CDH18: variants seen among roughly 807,000 people sequenced by gnomAD.
CDH18 encodes cadherin 18, also known as cadherin-18.
A neutral mutation model predicts 67.9 loss-of-function variants in CDH18; 31 were observed. The ratio of observed to expected loss-of-function variants is 0.46; its 90% CI spans 0.34 to 0.62. The LOEUF (loss-of-function observed/expected upper bound fraction) is 0.62. Ranked by LOEUF, CDH18 falls within the 20% of genes least tolerant of loss-of-function variation. The pLI, the probability that CDH18 is intolerant of heterozygous loss-of-function variation, is 0.01. For missense variants in CDH18, 890 were observed against 975.5 expected (o/e 0.91, Z 1.17); for synonymous variants, 362 against 347.2 (o/e 1.04, Z -0.48).
chr5:20,147,703 TG>T (rs1750766865), intron 2 of CDH18, among the ~76,000 whole-genome samples: 1 of 152,168 alleles, frequency 6.6e-6, no homozygotes, highest in Non-Finnish European at 1.5e-5. Flanking sequence ...AAACCTTTTT[TG>T]GTCATTTATT....
chr5:20,125,250 A>G (rs1179883090), intron 2 of CDH18, among the ~76,000 whole-genome samples: 1 of 151,976 alleles, frequency 6.6e-6, no homozygotes, highest in Non-Finnish European at 1.5e-5. Context: ...AGTAAATGCA[A>G]CTAAGAGTGA....
chr5:19,825,359 G>A (rs888373622), intron 3 of CDH18, among the ~76,000 whole-genome samples: 7 of 152,016 alleles, frequency 4.6e-5, no homozygotes, highest in African/African-American at 7.2e-5. Context: ...GACAGCAGGA[G>A]GGGTAATTCT....
chr5:19,730,269 T>A (rs1400215194), intron 4 of CDH18, among the ~76,000 whole-genome samples: 2 of 152,232 alleles, frequency 1.3e-5, no homozygotes, highest in Non-Finnish European at 2.9e-5. Flanking sequence ...TTTGTCTAAC[T>A]GCCAGTTGAT....
intron 1 of CDH18, among the ~76,000 whole-genome samples, chr5:20,391,730 G>A (rs887089843): frequency 6.6e-6 from 1 of 151,876 alleles, no homozygotes; most frequent in Non-Finnish European, 1.5e-5. Flanking sequence ...ACATTGATGT[G>A]TAAAACCCAG....
At chr5:19,618,719 A>C (rs760874701) in intron 5 of CDH18, among the ~76,000 whole-genome samples, 19 of 152,288 alleles carry the variant, frequency 1.2e-4, no homozygotes, top group Admixed American at 1.1e-3. Flanking sequence ...CCCAGGCATA[A>C]GTTTTGTGAC....
At chr5:19,873,809 G>A (rs1786613889) in intron 2 of CDH18, among the ~76,000 whole-genome samples, 2 of 152,042 alleles carry the variant, frequency 1.3e-5, no homozygotes, top group South Asian at 2.1e-4. Flanking sequence ...TGCCATGCCC[G>A]GCTAATTTTT....
At chr5:19,928,542 T>A (rs1275925995) in intron 2 of CDH18, among the ~76,000 whole-genome samples, 1 of 152,114 alleles carries the variant, frequency 6.6e-6, no homozygotes, top group African/African-American at 2.4e-5. Context: ...AGCATGTATA[T>A]CCATACATGC....
intron 1 of CDH18, among the ~76,000 whole-genome samples, chr5:20,493,497 G>C (rs1753716771): frequency 6.6e-6 from 1 of 151,354 alleles, no homozygotes; most frequent in Non-Finnish European, 1.5e-5. Context: ...GCTTGCTATA[G>C]GAAGGGAGTC....
intron 2 of CDH18, among the ~76,000 whole-genome samples, chr5:19,970,685 G>T (rs1797936627): frequency 6.6e-6 from 1 of 151,418 alleles, no homozygotes; most frequent in Admixed American, 6.6e-5. Flanking sequence ...TGGGAATACA[G>T]TTCATAAGAT....
chr5:19,493,555 T>G (rs1233856777), intron 11 of CDH18, among the ~76,000 whole-genome samples: 1 of 151,870 alleles, frequency 6.6e-6, no homozygotes, highest in African/African-American at 2.4e-5. Context: ...TGTGTGTGTG[T>G]GTGTGTGTGT....
intron 5 of CDH18, among the ~76,000 whole-genome samples, chr5:19,696,254 T>C (rs1762523791): frequency 1.5e-5 from 1 of 66,048 alleles, no homozygotes; most frequent in African/African-American, 3.2e-5. Flanking sequence ...TGTGTGTGTG[T>C]GTGTGTGCGT....
chr5:20,074,669 AC>A (rs1743768367), intron 2 of CDH18, among the ~76,000 whole-genome samples: 1 of 151,808 alleles, frequency 6.6e-6, no homozygotes, highest in Non-Finnish European at 1.5e-5. Context: ...AATATGAATG[AC>A]CTTACAATCA....
rs397884499 is a variant in CDH18 at position 19,485,258 on chromosome 5, CT to C, written c.1631-1707del. ...TTAAAAACTACATCAGCTGTCTATTCTTTTTTTTTTTTTTTTAGATGGCGTC... is the reference window on the plus strand; with the variant it reads ...TTAAAAACTACATCAGCTGTCTATTCTTTTTTTTTTTTTTTAGATGGCGTC... On this transcript the variant is annotated intron_variant, in intron 11 of 12. Transcript: ENST00000382275. Among the ~76,000 whole-genome samples, 1,086 of 137,312 alleles carry C rather than the reference CT, an allele frequency of 7.9e-3. 2 individuals carry two copies. Among genetic ancestry groups the C allele is most frequent in the African/African-American group, 0.016 (616 of 37,822 alleles). The allele number at this position is 137,312 out of a possible 152,430, so 90.1% of individuals were successfully genotyped here.
At chr5:20,257,402 A>T (rs536896634) in intron 1 of CDH18, among the ~76,000 whole-genome samples, 1 of 152,162 alleles carries the variant, frequency 6.6e-6, no homozygotes. Context: ...CATAGCTCAC[A>T]TTTTCTGCTA....
intron 3 of CDH18, among the ~76,000 whole-genome samples, chr5:19,808,287 C>G (rs1483628794): frequency 9.3e-5 from 11 of 118,514 alleles, no homozygotes; most frequent in Non-Finnish European, 2.1e-4. Context: ...ATTTTCTTTA[C>G]AAAAGAAAAA....
intron 2 of CDH18, among the ~76,000 whole-genome samples, chr5:20,052,194 G>T (rs79077604): frequency 6.6e-6 from 1 of 152,134 alleles, no homozygotes; most frequent in Non-Finnish European, 1.5e-5. Context: ...TACAGGAATT[G>T]AAAGTAGAGA....
intron 2 of CDH18, among the ~76,000 whole-genome samples, chr5:20,061,860 C>T (rs1236429571): frequency 1.3e-5 from 2 of 152,024 alleles, no homozygotes; most frequent in Admixed American, 6.6e-5. Flanking sequence ...AATATGAACT[C>T]CAGAAAAGCA....
intron 2 of CDH18, among the ~76,000 whole-genome samples, chr5:19,849,712 A>G (rs1783463903): frequency 1.6e-4 from 5 of 30,862 alleles, no homozygotes; most frequent in Non-Finnish European, 3.1e-4. Flanking sequence ...ATATATATAT[A>G]AACATATATA....
chr5:19,895,610 G>T (rs1789236996), intron 2 of CDH18, among the ~76,000 whole-genome samples: 1 of 152,114 alleles, frequency 6.6e-6, no homozygotes, highest in South Asian at 2.1e-4. Context: ...GAAAATAACT[G>T]AAGTGTCCTT....
Sources: gnomAD v4.1 joint callset for allele counts (sites outside exome capture counted in the v4.1 genomes callset) on GRCh38, gnomAD v4.1.1 for gene constraint, MANE v1.5 for transcripts, NCBI Gene and HGNC (gene_info 2026-07-23, HGNC 2026-07-21) for gene names.